The following PRELID2 variants were observed in gnomAD, a reference collection of about 807,000 sequenced individuals.
PRELID2 encodes the protein PRELI domain-containing protein 2.
PRELID2 carries 25 observed loss-of-function variants against 28.4 expected under a neutral mutation model. The ratio of observed to expected loss-of-function variants is 0.88; its 90% CI spans 0.64 to 1.23. The LOEUF (loss-of-function observed/expected upper bound fraction) is 1.23. Ranked by LOEUF, PRELID2 falls within the 50% of genes most tolerant of loss-of-function variation. The pLI, the probability that PRELID2 is intolerant of heterozygous loss-of-function variation, is 0.00. For missense variants in PRELID2, 201 were observed against 214.4 expected, an observed-to-expected ratio of 0.94 and a Z score of 0.39; for synonymous variants, 76 against 71.6, an observed-to-expected ratio of 1.06 and a Z score of -0.31.
At chr5:145,502,736 C>T (rs910620104) in intron 1 of PRELID2, among the ~76,000 whole-genome samples, 15 of 152,094 alleles carry the variant, frequency 9.9e-5, no homozygotes, top group African/African-American at 3.6e-4. Flanking sequence ...AATTAATGAG[C>T]ACATTAATTA....
chr5:145,686,941 C>A (rs888633793), intron 1 of PRELID2, among the ~76,000 whole-genome samples: 45 of 151,856 alleles, frequency 3.0e-4, no homozygotes, highest in Non-Finnish European at 5.9e-5. Flanking sequence ...GGCATTTTAC[C>A]CACATTTGAT....
intron 1 of PRELID2, among the ~76,000 whole-genome samples, chr5:145,540,157 G>A (rs931213709): frequency 1.3e-5 from 2 of 151,754 alleles, no homozygotes; most frequent in African/African-American, 4.8e-5. Flanking sequence ...TATTCTATTT[G>A]CAATTGTTGG....
chr5:145,396,321 T>G, the PRELID2 span, among the ~76,000 whole-genome samples: 2 of 152,082 alleles, frequency 1.3e-5, no homozygotes, highest in Admixed American at 1.3e-4. Context: ...CATAATCTCA[T>G]GGGATCCTTG....
chr5:145,707,195 G>A (rs1337528950), intron 1 of PRELID2, among the ~76,000 whole-genome samples: 1 of 152,160 alleles, frequency 6.6e-6, no homozygotes, highest in African/African-American at 2.4e-5. Flanking sequence ...AGAAGCTGAG[G>A]CTCAGGGAAG....
chr5:145,643,502 A>C (rs911979122), intron 1 of PRELID2, among the ~76,000 whole-genome samples: 2 of 152,082 alleles, frequency 1.3e-5, no homozygotes, highest in African/African-American at 4.8e-5. Context: ...AATACCTTTT[A>C]TTTCTTTCTC....
At chr5:145,778,383 A>G (rs1438239957) in intron 5 of PRELID2, among the ~76,000 whole-genome samples, 7 of 152,094 alleles carry the variant, frequency 4.6e-5, no homozygotes, top group African/African-American at 1.4e-4. Flanking sequence ...TGCACACTCT[A>G]CGGGACACCC....
chr5:145,288,162 A>G, the PRELID2 span, among the ~76,000 whole-genome samples: 1 of 151,904 alleles, frequency 6.6e-6, no homozygotes, highest in African/African-American at 2.4e-5. Flanking sequence ...TCCTCTCCAC[A>G]CTCTAGTCTT....
chr5:145,255,508 T>C, the PRELID2 span, among the ~76,000 whole-genome samples: 1 of 152,034 alleles, frequency 6.6e-6, no homozygotes, highest in Admixed American at 6.6e-5. Context: ...GTGCAGTGGC[T>C]CACATCTGTA....
the PRELID2 span, among the ~76,000 whole-genome samples, chr5:145,333,545 C>T: frequency 6.6e-6 from 1 of 152,194 alleles, no homozygotes; most frequent in Admixed American, 6.5e-5. Context: ...CCAGTTCAAA[C>T]TTCCCAATGG....
chr5:145,742,591 C>A (rs1756865951), intron 1 of PRELID2, among the ~76,000 whole-genome samples: 2 of 143,134 alleles, frequency 1.4e-5, no homozygotes, highest in Non-Finnish European at 3.0e-5. Flanking sequence ...ATGTGTGGAA[C>A]AGAATTAAAG....
At chr5:145,640,047 G>T (rs188068191) in intron 1 of PRELID2, among the ~76,000 whole-genome samples, 36 of 151,914 alleles carry the variant, frequency 2.4e-4, no homozygotes, top group South Asian at 4.2e-4. Flanking sequence ...CATTGGTGGG[G>T]TTTTTTTTAA....
intron 1 of PRELID2, among the ~76,000 whole-genome samples, chr5:145,493,690 C>A (rs1752286895): frequency 6.6e-6 from 1 of 152,134 alleles, no homozygotes; most frequent in Non-Finnish European, 1.5e-5. Flanking sequence ...CTATCTTTTT[C>A]TTTCCTTCTC....
the PRELID2 span, among the ~76,000 whole-genome samples, chr5:145,377,980 G>T: frequency 4.5e-3 from 681 of 152,236 alleles, no homozygotes; most frequent in Non-Finnish European, 6.7e-3. Context: ...TTGTAAGGCA[G>T]TTCTGGTGAT....
the PRELID2 span, among the ~76,000 whole-genome samples, chr5:145,374,468 T>A: frequency 6.6e-6 from 1 of 152,088 alleles, no homozygotes; most frequent in African/African-American, 2.4e-5. Flanking sequence ...GTTGGGTTGA[T>A]CTTCTCATGG....
At chr5:145,285,940 A>G in the PRELID2 span, among the ~76,000 whole-genome samples, 1 of 152,206 alleles carries the variant, frequency 6.6e-6, no homozygotes, top group Non-Finnish European at 1.5e-5. Flanking sequence ...GCAAGAGGCT[A>G]AGGACTGGTT....
intron 1 of PRELID2, among the ~76,000 whole-genome samples, chr5:145,484,315 C>A (rs189308752): frequency 6.6e-6 from 1 of 152,164 alleles, no homozygotes; most frequent in Admixed American, 6.5e-5. Context: ...GCTATGAGCA[C>A]AAGGAAACAG....
At chr5:145,345,712 GA>G in the PRELID2 span, among the ~76,000 whole-genome samples, 1 of 152,198 alleles carries the variant, frequency 6.6e-6, no homozygotes, top group South Asian at 2.1e-4. Flanking sequence ...AACGTAATCT[GA>G]AAATAATTGC....
rs1754496182 is a variant in PRELID2 at position 145,818,033 on chromosome 5, T to G, written c.229A>C (p.Asn77His). The change falls in exon 4 of 7, where the codon AAT (asparagine) becomes CAT (histidine). Residue 77 changes from asparagine to histidine, a missense_variant. Coordinates refer to ENST00000683046, the MANE Select transcript of PRELID2 (RefSeq NM_205846.3). ...CATGACTCCTCTTCTAATTGGATAT[T>G]AGGTACTTTCAAAATGCTCACCTGT... is the stretch of plus-strand genomic sequence containing the variant. ...LRKVSILKVP[N>H]IQLEEESWLN... 2 of 1,612,118 alleles carry G rather than the reference T, an allele frequency of 1.2e-6. No homozygotes were observed. Among genetic ancestry groups the G allele is most frequent in the African/African-American group, 2.7e-5 (2 of 74,658 alleles).
At chr5:145,315,975 T>C in the PRELID2 span, among the ~76,000 whole-genome samples, 1 of 152,210 alleles carries the variant, frequency 6.6e-6, no homozygotes, top group Admixed American at 6.5e-5. Context: ...TTTACTATTA[T>C]CTATACTCTT....
Sources: gnomAD v4.1 joint callset for allele counts (sites outside exome capture counted in the v4.1 genomes callset) on GRCh38, gnomAD v4.1.1 for gene constraint, MANE v1.5 for transcripts, NCBI Gene and HGNC (gene_info 2026-07-23, HGNC 2026-07-21) for gene names.